The following CALN1 variants were observed in gnomAD, a reference collection of about 807,000 sequenced individuals.
The protein encoded by CALN1 is calcium-binding protein 8.
CALN1 carries 17 observed loss-of-function variants against 30.6 expected under a neutral mutation model. The observed-to-expected ratio is 0.56, with a 90% CI of 0.38 to 0.83. CALN1 has a LOEUF of 0.83. Among genes scored for constraint, CALN1 ranks in the 40% least tolerant of loss-of-function variants. CALN1 has a pLI of 0.00. For synonymous variants in CALN1, 156 were observed against 131.4 expected (o/e 1.19, Z -1.28); for missense variants, 291 against 354.9 (o/e 0.82, Z 1.45).
At chr7:71,894,054 A>G (rs1320782467) in intron 5 of CALN1, among the ~76,000 whole-genome samples, 1 of 151,832 alleles carries the variant, frequency 6.6e-6, no homozygotes, top group South Asian at 2.1e-4. Flanking sequence ...CAGGACTCAA[A>G]CTCCTATAGC....
chr7:72,005,037 T>C (rs1160421219), intron 5 of CALN1, among the ~76,000 whole-genome samples: 2 of 152,182 alleles, frequency 1.3e-5, no homozygotes, highest in African/African-American at 4.8e-5. Context: ...CATACATTGC[T>C]GGTGAGAATG....
chr7:72,476,710 C>T, the CALN1 span, among the ~76,000 whole-genome samples: 1 of 152,228 alleles, frequency 6.6e-6, no homozygotes, highest in Admixed American at 6.5e-5. Context: ...TCTCTTCAAA[C>T]TATGCATTCA....
At chr7:72,368,902 C>T (rs1441880013) in intron 2 of CALN1, among the ~76,000 whole-genome samples, 1 of 151,018 alleles carries the variant, frequency 6.6e-6, no homozygotes, top group Non-Finnish European at 1.5e-5. Flanking sequence ...GCAACCTCCA[C>T]CTACTGGGTT....
At chr7:72,298,044 T>C (rs868750737) in intron 2 of CALN1, among the ~76,000 whole-genome samples, 1 of 152,188 alleles carries the variant, frequency 6.6e-6, no homozygotes, top group Non-Finnish European at 1.5e-5. Flanking sequence ...AATCACATAA[T>C]AGTTGAGACA....
intron 2 of CALN1, among the ~76,000 whole-genome samples, chr7:72,368,604 T>C (rs1804025082): frequency 1.3e-5 from 2 of 151,784 alleles, no homozygotes; most frequent in Non-Finnish European, 2.9e-5. Flanking sequence ...ATGAATAAAG[T>C]AACAAAGATA....
At chr7:71,931,255 G>A (rs1438757445) in intron 5 of CALN1, among the ~76,000 whole-genome samples, 1 of 150,248 alleles carries the variant, frequency 6.7e-6, no homozygotes, top group Non-Finnish European at 1.5e-5. Context: ...ATGTTCATCT[G>A]TGAAAACCAT....
intron 3 of CALN1, among the ~76,000 whole-genome samples, chr7:72,185,777 G>C (rs1280925610): frequency 1.3e-5 from 2 of 152,166 alleles, no homozygotes; most frequent in East Asian, 3.9e-4. Context: ...TTATCAAGGG[G>C]TTCTGCTTTC....
chr7:72,318,285 G>A (rs1253510416), intron 2 of CALN1, among the ~76,000 whole-genome samples: 2 of 151,168 alleles, frequency 1.3e-5, no homozygotes, highest in African/African-American at 2.4e-5. Context: ...TCAAGGGACT[G>A]AAAGAAGTCG....
intron 4 of CALN1, among the ~76,000 whole-genome samples, chr7:72,045,544 T>G (rs1015602715): frequency 6.6e-6 from 1 of 152,150 alleles, no homozygotes; most frequent in African/African-American, 2.4e-5. Context: ...TTTTCTTTTT[T>G]TGGAGACAGG....
chr7:72,151,783 C>T (rs1010221945), intron 3 of CALN1, among the ~76,000 whole-genome samples: 1 of 152,150 alleles, frequency 6.6e-6, no homozygotes, highest in African/African-American at 2.4e-5. Context: ...ACAGTCATAG[C>T]TCACTGCAGC....
chr7:72,177,153 C>T lies in CALN1; in HGVS notation c.245-70859G>A, dbSNP rs1293616687. Among the ~76,000 whole-genome samples the T allele has an allele frequency of 2.0e-5, 3 of 152,178 alleles. No individual in the cohort carries two copies. In the East Asian group the frequency reaches 5.8e-4, roughly 29 times the overall value. ...AGCTACAAGAGCTCATTCACTCATTCATCTGTGCATTCATTCAATGAGCAC... is the reference window on the plus strand; with the variant it reads ...AGCTACAAGAGCTCATTCACTCATTTATCTGTGCATTCATTCAATGAGCAC... On this transcript the variant is annotated intron_variant, in intron 3 of 6. Coordinates refer to ENST00000395275, the MANE Select transcript of CALN1 (RefSeq NM_031468.4).
chr7:72,464,734 CA>C, the CALN1 span, among the ~76,000 whole-genome samples: 4 of 152,206 alleles, frequency 2.6e-5, no homozygotes, highest in Non-Finnish European at 4.4e-5. Flanking sequence ...GCAATATTCC[CA>C]ACCACAGGAG....
rs376738676 is a variant in CALN1 at position 72,278,011 on chromosome 7, G to GGT, written c.244+674_244+675insAC. ...AAATCAACCTAATCCTCTATTCCGG[G>GGT]GGGGGGGGACTTGTTTTTCCTATTT... is the stretch of plus-strand genomic sequence containing the variant. On this transcript the variant is annotated intron_variant, in intron 3 of 6. Coordinates refer to ENST00000395275, the MANE Select transcript of CALN1 (RefSeq NM_031468.4). 7.0e-5 allele frequency among the ~76,000 whole-genome samples: 8 copies of GGT among 113,838 alleles called. 2 individuals are homozygous for GGT. Among genetic ancestry groups the GGT allele is most frequent in the African/African-American group, 2.9e-4 (8 of 27,942 alleles). The allele number at this position is 113,838 out of a possible 152,430, so 74.7% of individuals were successfully genotyped here. A position where few individuals can be genotyped will look rare whatever the true frequency, so the allele number is the denominator to read the frequency against.
At chr7:72,122,914 A>G (rs1338486905) in intron 3 of CALN1, among the ~76,000 whole-genome samples, 2 of 152,218 alleles carry the variant, frequency 1.3e-5, no homozygotes, top group African/African-American at 4.8e-5. Context: ...TAATTGTTCA[A>G]TGATACTCGT....
chr7:71,903,218 T>G (rs1793956212), intron 5 of CALN1, among the ~76,000 whole-genome samples: 1 of 152,114 alleles, frequency 6.6e-6, no homozygotes, highest in Non-Finnish European at 1.5e-5. Flanking sequence ...GAGAAACCAT[T>G]TTTTGAAATC....
intron 5 of CALN1, among the ~76,000 whole-genome samples, chr7:71,817,351 T>C (rs997352834): frequency 3.9e-5 from 6 of 152,216 alleles, no homozygotes; most frequent in Non-Finnish European, 8.8e-5. Flanking sequence ...TTTATTGGTT[T>C]CTCTCTTCTA....
intron 5 of CALN1, among the ~76,000 whole-genome samples, chr7:71,867,918 G>T (rs1240222990): frequency 6.6e-6 from 1 of 152,058 alleles, no homozygotes; most frequent in Non-Finnish European, 1.5e-5. Flanking sequence ...TTATTTATGA[G>T]GACTATTTAC....
intron 4 of CALN1, among the ~76,000 whole-genome samples, chr7:72,062,530 A>T (rs2129537113): frequency 6.7e-6 from 1 of 149,082 alleles, no homozygotes; most frequent in African/African-American, 2.5e-5. Context: ...AAAAAAAAAA[A>T]GAAAAAAAAT....
upstream of CALN1, among the ~76,000 whole-genome samples, chr7:72,449,098 C>G (rs953258721): frequency 1.5e-4 from 23 of 152,118 alleles, no homozygotes; most frequent in African/African-American, 5.6e-4. Flanking sequence ...TGCATTTGAC[C>G]CCCTTCCCCT....
Sources: allele counts gnomAD v4.1 joint callset (sites outside exome capture counted in the v4.1 genomes callset), GRCh38; gene constraint gnomAD v4.1.1; transcripts MANE v1.5; gene names NCBI Gene and HGNC (gene_info 2026-07-23, HGNC 2026-07-21).